Variants in PDE12 observed in about 807,000 individuals in gnomAD.
PDE12 encodes the protein 2',5'-phosphodiesterase 12.
PDE12 carries 26 observed loss-of-function variants against 45.4 expected under a neutral mutation model. That is an observed-to-expected ratio of 0.57 (90% CI 0.42 to 0.79). The LOEUF is 0.79. PDE12 is among the 30% of genes least tolerant of loss of function. The pLI is 0.00. For synonymous variants in PDE12, 283 were observed against 323.9 expected (o/e 0.87, Z 1.36); for missense variants, 668 against 790.0 (o/e 0.85, Z 1.85).
chr3:57,624,385 T>C, the PDE12 span, among the ~76,000 whole-genome samples: 2 of 151,928 alleles, frequency 1.3e-5, no homozygotes, highest in Non-Finnish European at 2.9e-5. Context: ...CTCCTGACCT[T>C]GTGATCCACC....
At position 57,560,760 on chromosome 3, in the gene PDE12, A is replaced by C; in HGVS notation, c.*756A>C. 1.0e-6 allele frequency: 1 copy of C among 985,554 alleles called. No homozygotes were observed. The highest frequency in any genetic ancestry group is 1.2e-6 in the Non-Finnish European group (1 of 829,666). 61.1% of individuals were successfully genotyped at this position (985,554 alleles called of 1,614,324 possible). Reference sequence around the variant, plus strand: ...TCATGCTTATGTACTAAGAGGGAAAATGTATTTAAGTTAAGGGTGAGAGAC... The same window carrying C: ...TCATGCTTATGTACTAAGAGGGAAACTGTATTTAAGTTAAGGGTGAGAGAC... On this transcript the variant is annotated 3_prime_UTR_variant, in exon 3 of 3. Transcript: ENST00000311180.
the PDE12 span, chr3:57,584,027 T>C: frequency 6.7e-7 from 1 of 1,500,672 alleles, no homozygotes; most frequent in Admixed American, 1.7e-5. Context: ...AAAACAAAAA[T>C]GACCGCTGTG....
chr3:57,577,054 TAAA>T, the PDE12 span, among the ~76,000 whole-genome samples: 1 of 137,740 alleles, frequency 7.3e-6, no homozygotes, highest in African/African-American at 2.7e-5. Flanking sequence ...TGAGGCATTC[TAAA>T]AAAAAAAAAA....
In PDE12 at chr3:57,559,694, A is replaced by C; in HGVS notation, c.1520A>C (p.His507Pro). 1 of 1,614,076 alleles carries C rather than the reference A, an allele frequency of 6.2e-7. No homozygotes were observed. The highest frequency in any genetic ancestry group is 2.2e-5 in the East Asian group (1 of 44,890). ...FNSTPSTGMY[H>P]FVINGSIPED... Reference sequence around the variant, plus strand: ...AGTACACCATCAACAGGAATGTATCATTTTGTCATCAATGGCAGCATTCCA... The same window carrying C: ...AGTACACCATCAACAGGAATGTATCCTTTTGTCATCAATGGCAGCATTCCA... Residue 507 changes from histidine (H) to proline (P), a missense_variant, in exon 3 of 3, where the codon CAT becomes CCT. His to Pro is a moderately conservative substitution (Grantham distance 77). This residue lies in a region of PDE12 where 9 missense variants were observed against 29.2 expected (regional missense o/e 0.31). Coordinates refer to ENST00000311180, the MANE Select transcript of PDE12 (RefSeq NM_177966.7).
chr3:57,645,349 T>C, the PDE12 span, among the ~76,000 whole-genome samples: 1 of 151,988 alleles, frequency 6.6e-6, no homozygotes, highest in Non-Finnish European at 1.5e-5. Context: ...TAATCCCAGC[T>C]ACTCAGGAGG....
chr3:57,574,255 T>C, the PDE12 span, among the ~76,000 whole-genome samples: 2 of 152,166 alleles, frequency 1.3e-5, no homozygotes, highest in East Asian at 3.9e-4. Context: ...AGGTTCTTTG[T>C]TGTTTGTTTC....
chr3:57,645,768 G>T, the PDE12 span: 3 of 1,592,476 alleles, frequency 1.9e-6, no homozygotes, highest in Non-Finnish European at 2.6e-6. Context: ...TGTGGAGCAG[G>T]AAGAACATGT....
chr3:57,575,787 T>C, the PDE12 span: 61 of 1,179,640 alleles, frequency 5.2e-5, no homozygotes, highest in Non-Finnish European at 6.7e-5. Flanking sequence ...TTAACCTAAT[T>C]TCTCGACACA....
chr3:57,588,489 C>A, the PDE12 span, among the ~76,000 whole-genome samples: 1 of 152,118 alleles, frequency 6.6e-6, no homozygotes, highest in Non-Finnish European at 1.5e-5. Context: ...AGGTGGATGA[C>A]CTGAGCTCAG....
At position 57,556,335 on chromosome 3, in the gene PDE12, C is replaced by T; in HGVS notation, c.-45C>T. ...TCCTCAGCTCCACCTGACAGTAGGC[C>T]GCTGATCGGCCGCGGGTCTTGTCGA... On this transcript the variant is annotated 5_prime_UTR_variant, in exon 1 of 3. Transcript: ENST00000311180. The surrounding 1 kb of genome is among the most constrained non-coding windows in gnomAD (Gnocchi z 5.0). 5 of 1,506,566 alleles carry T rather than the reference C, an allele frequency of 3.3e-6. No individual in the cohort carries two copies. The highest frequency in any genetic ancestry group is 1.4e-5 in the African/African-American group (1 of 72,288). The allele number at this position is 1,506,566 out of a possible 1,614,324, so 93.3% of individuals were successfully genotyped here.
chr3:57,595,599 C>T, the PDE12 span, among the ~76,000 whole-genome samples: 1 of 152,132 alleles, frequency 6.6e-6, no homozygotes, highest in African/African-American at 2.4e-5. Context: ...TCTTTATATA[C>T]CTTGAAATAT....
At chr3:57,603,490 A>C in the PDE12 span, among the ~76,000 whole-genome samples, 1 of 151,956 alleles carries the variant, frequency 6.6e-6, no homozygotes, top group African/African-American at 2.4e-5. Context: ...GGCATGAGCC[A>C]CCACGCCTGG....
chr3:57,560,107 A>C lies in PDE12; in HGVS notation c.*103A>C, dbSNP rs2069711700. 5 of 1,474,050 alleles carry C rather than the reference A, an allele frequency of 3.4e-6. No homozygotes were observed. Among genetic ancestry groups the C allele is most frequent in the Non-Finnish European group, 4.5e-6 (5 of 1,120,294 alleles). The allele number at this position is 1,474,050 out of a possible 1,614,324, so 91.3% of individuals were successfully genotyped here. A position where few individuals can be genotyped will look rare whatever the true frequency, so the allele number is the denominator to read the frequency against. On this transcript the variant is annotated 3_prime_UTR_variant, in exon 3 of 3. Transcript: ENST00000311180. ...ATGTAAACTTCAAGGAGGAATGGTA[A>C]AATGTTCAGCCCTCCTAGTTATGTT...
the PDE12 span, among the ~76,000 whole-genome samples, chr3:57,638,902 G>A: frequency 1.3e-4 from 20 of 152,026 alleles, no homozygotes; most frequent in South Asian, 4.2e-3. Context: ...CAGGAGTTTA[G>A]GACCAGCAAC....
At chr3:57,650,677 A>T in the PDE12 span, among the ~76,000 whole-genome samples, 3 of 152,222 alleles carry the variant, frequency 2.0e-5, no homozygotes, top group Admixed American at 2.0e-4. Context: ...ACAAAGACGT[A>T]TACACAAATG....
At chr3:57,595,189 A>G in the PDE12 span, among the ~76,000 whole-genome samples, 14 of 152,378 alleles carry the variant, frequency 9.2e-5, no homozygotes, top group African/African-American at 2.9e-4. Context: ...GCATACTTCT[A>G]TATTCCTTGC....
At chr3:57,582,678 T>A in the PDE12 span, among the ~76,000 whole-genome samples, 1 of 152,210 alleles carries the variant, frequency 6.6e-6, no homozygotes, top group East Asian at 1.9e-4. Context: ...ATGCAATGTT[T>A]TAAGAGGCTG....
At chr3:57,616,477 G>T in the PDE12 span, among the ~76,000 whole-genome samples, 1 of 150,184 alleles carries the variant, frequency 6.7e-6, no homozygotes, top group South Asian at 2.1e-4. Flanking sequence ...AAAGAAGGAA[G>T]AAGAAAGAAG....
At position 57,564,914 on chromosome 3, in the gene PDE12, C is replaced by T. The variant is rs1326311035; in HGVS notation, c.*4910C>T. On this transcript the variant is annotated 3_prime_UTR_variant, in exon 3 of 3. Transcript: ENST00000311180. ...CAGGCTGGTCTTGAAATTCTCAGTTCAAGCAGTCCACCCACCTCGGCCTCC... is the reference window on the plus strand; with the variant it reads ...CAGGCTGGTCTTGAAATTCTCAGTTTAAGCAGTCCACCCACCTCGGCCTCC... 6.7e-6 allele frequency: 1 copy of T among 150,366 alleles called. No individual in the cohort carries two copies. Among genetic ancestry groups the T allele is most frequent in the Non-Finnish European group, 1.5e-5 (1 of 67,786 alleles). The allele number at this position is 150,366 out of a possible 1,614,324, so 9.3% of individuals were successfully genotyped here. A position where few individuals can be genotyped will look rare whatever the true frequency, so the allele number is the denominator to read the frequency against.
Sources: allele counts gnomAD v4.1 joint callset (sites outside exome capture counted in the v4.1 genomes callset), GRCh38; gene constraint gnomAD v4.1.1; regional missense constraint gnomAD v4.1.1; non-coding constraint Gnocchi (gnomAD v3.1); transcripts MANE v1.5; gene names NCBI Gene and HGNC (gene_info 2026-07-23, HGNC 2026-07-21).